The following TCF7L1 variants were observed in gnomAD, a reference collection of about 807,000 sequenced individuals.
The protein encoded by TCF7L1 is transcription factor 7-like 1.
A neutral mutation model predicts 63.7 loss-of-function variants in TCF7L1; 18 were observed. The observed-to-expected ratio is 0.28, with a 90% CI of 0.20 to 0.42. The LOEUF (loss-of-function observed/expected upper bound fraction) is 0.42, where lower values mean the gene tolerates loss of function less well. Ranked by LOEUF, TCF7L1 falls within the 10% of genes least tolerant of loss-of-function variation. The pLI, the probability that TCF7L1 is intolerant of heterozygous loss-of-function variation, is 1.00. For synonymous variants in TCF7L1, 355 were observed against 340.9 expected (o/e 1.04, Z -0.46); for missense variants, 654 against 779.3 (o/e 0.84, Z 1.91).
At chr2:85,238,793 ATTTAT>A (rs1290967038) in intron 3 of TCF7L1, among the ~76,000 whole-genome samples, 1 of 113,324 alleles carries the variant, frequency 8.8e-6, no homozygotes, top group Non-Finnish European at 1.7e-5. Context: ...TTATTTATTT[ATTTAT>A]TTATTTATTT....
chr2:85,269,201 A>G (rs1681086252), intron 3 of TCF7L1, among the ~76,000 whole-genome samples: 1 of 152,214 alleles, frequency 6.6e-6, no homozygotes, highest in African/African-American at 2.4e-5. Context: ...GATGGCCACA[A>G]ACATGCAGTC....
intron 4 of TCF7L1, among the ~76,000 whole-genome samples, chr2:85,294,026 ATTTTTTTTTTT>A (rs774050758): frequency 8.4e-5 from 5 of 59,486 alleles, no homozygotes; most frequent in Admixed American, 6.9e-4. Context: ...GAACACTGGG[ATTTTTTTTTTT>A]TTTTTTTTTT....
intron 3 of TCF7L1, among the ~76,000 whole-genome samples, chr2:85,174,861 C>T (rs1268866504): frequency 2.0e-5 from 3 of 152,250 alleles, no homozygotes; most frequent in African/African-American, 7.2e-5. Flanking sequence ...CTGCAGGTCC[C>T]TGCCCGACCC....
At chr2:85,201,701 C>T in intron 3 of TCF7L1, among the ~76,000 whole-genome samples, 1 of 152,132 alleles carries the variant, frequency 6.6e-6, no homozygotes, top group East Asian at 1.9e-4. Context: ...AATGGCTACA[C>T]CATTTTACAT....
chr2:85,133,679 C>T lies in TCF7L1; in HGVS notation c.-6C>T. On this transcript the variant is annotated 5_prime_UTR_variant, in exon 1 of 12. Transcript: ENST00000282111. The surrounding 1 kb of genome is among the most constrained non-coding windows in gnomAD (Gnocchi z 4.4). ...GAGAGCGGCGGCCCCGGCCCGCGGC[C>T]CCACCATGCCCCAGCTCGGCGGCGG... The T allele has an allele frequency of 1.0e-6, 1 of 965,540 alleles. No homozygotes were observed. Among genetic ancestry groups the T allele is most frequent in the Non-Finnish European group, 1.2e-6 (1 of 812,696 alleles). The allele number at this position is 965,540 out of a possible 1,614,324, so 59.8% of individuals were successfully genotyped here.
chr2:85,257,680 C>G (rs1680750871), intron 3 of TCF7L1, among the ~76,000 whole-genome samples: 1 of 151,320 alleles, frequency 6.6e-6, no homozygotes, highest in Non-Finnish European at 1.5e-5. Flanking sequence ...GACTGGCTTC[C>G]CCTTGCATCC....
At chr2:85,214,263 C>G (rs927359371) in intron 3 of TCF7L1, among the ~76,000 whole-genome samples, 2 of 152,126 alleles carry the variant, frequency 1.3e-5, no homozygotes, top group Non-Finnish European at 2.9e-5. Context: ...CTACCAGATT[C>G]GATTACCGGG....
At chr2:85,172,530 G>A (rs746711639) in intron 3 of TCF7L1, among the ~76,000 whole-genome samples, 30 of 152,290 alleles carry the variant, frequency 2.0e-4, no homozygotes, top group South Asian at 4.1e-4. Context: ...AGGTTCAAGC[G>A]ATTCTCCTGC....
chr2:85,304,441 C>G, intron 7 of TCF7L1, 103 bp downstream of exon 7: 1 of 1,183,306 alleles, frequency 8.5e-7, no homozygotes, highest in Non-Finnish European at 1.2e-6. Context: ...AGGCACAGGG[C>G]TCACCCTCCC....
Position 85,309,486 on chromosome 2 carries a change from G to A in TCF7L1, c.*24G>A, listed in dbSNP as rs1425713932. ...AAGCTCCCCCCGACCCCTGCAGGCTGTCACATGACTCATTGAGTAGTAATG... is the reference window on the plus strand; with the variant it reads ...AAGCTCCCCCCGACCCCTGCAGGCTATCACATGACTCATTGAGTAGTAATG... On this transcript the variant is annotated 3_prime_UTR_variant, in exon 12 of 12. Transcript: ENST00000282111. 1.3e-6 allele frequency: 2 copies of A among 1,515,032 alleles called. No individual in the cohort carries two copies. Among genetic ancestry groups the A allele is most frequent in the East Asian group, 4.5e-5 (2 of 43,986 alleles). 93.8% of individuals were successfully genotyped at this position (1,515,032 alleles called of 1,614,324 possible).
Position 85,306,956 on chromosome 2 carries a change from G to A in TCF7L1, c.1257+397G>A, listed in dbSNP as rs1260784340. On this transcript the variant is annotated intron_variant, in intron 10 of 11. Transcript: ENST00000282111. This position sits in a 1 kb window ranked among gnomAD's most constrained non-coding sequence, Gnocchi z 4.3. ...TGGGATTACAGGCGTGAGCCACCGC[G>A]CCCGGCCAGCGACTGCATTTATAGA... 1.3e-5 allele frequency among the ~76,000 whole-genome samples: 2 copies of A among 152,170 alleles called. No homozygotes were observed. The highest frequency in any genetic ancestry group is 6.5e-5 in the Admixed American group (1 of 15,274).
chr2:85,187,198 G>C (rs533942855), intron 3 of TCF7L1: 20 of 152,182 alleles, frequency 1.3e-4, no homozygotes, highest in Admixed American at 7.2e-4. Flanking sequence ...CCTCCTCTCA[G>C]CTGTCAGCTA....
chr2:85,245,888 G>C (rs1573008141), intron 3 of TCF7L1, among the ~76,000 whole-genome samples: 1 of 151,376 alleles, frequency 6.6e-6, no homozygotes, highest in East Asian at 1.9e-4. Context: ...CAGTTTGTCA[G>C]ATGGAAACAG....
intron 3 of TCF7L1, among the ~76,000 whole-genome samples, chr2:85,140,408 G>A (rs1178741663): frequency 2.6e-5 from 4 of 152,156 alleles, no homozygotes; most frequent in South Asian, 2.1e-4. Flanking sequence ...GACAGAAGTC[G>A]TTGGAGGAGG....
Position 85,306,627 on chromosome 2 carries a change from G to A in TCF7L1, c.1257+68G>A, listed in dbSNP as rs1682114220. The A allele has an allele frequency of 1.6e-6, 2 of 1,254,940 alleles. No homozygotes were observed. The highest frequency in any genetic ancestry group is 2.3e-6 in the Non-Finnish European group (2 of 881,082). 77.7% of individuals were successfully genotyped at this position (1,254,940 alleles called of 1,614,324 possible). Reference sequence around the variant, plus strand: ...CAGCCTCTGCAAGAGGAGGAAGGGTGAAGGAAAGCAACTGCATTTATTTTT... The same window carrying A: ...CAGCCTCTGCAAGAGGAGGAAGGGTAAAGGAAAGCAACTGCATTTATTTTT... On this transcript the variant is annotated intron_variant, in intron 10 of 11. Transcript: ENST00000282111. This position sits in a 1 kb window ranked among gnomAD's most constrained non-coding sequence, Gnocchi z 4.3.
At chr2:85,203,577 A>T (rs996444813) in intron 3 of TCF7L1, among the ~76,000 whole-genome samples, 6 of 150,570 alleles carry the variant, frequency 4.0e-5, no homozygotes, top group Non-Finnish European at 7.4e-5. Flanking sequence ...AAAAAATTTT[A>T]AATTAGCCAG....
chr2:85,288,037 C>A (rs1166363564), intron 4 of TCF7L1, among the ~76,000 whole-genome samples: 1 of 152,072 alleles, frequency 6.6e-6, no homozygotes, highest in Non-Finnish European at 1.5e-5. Flanking sequence ...CAAAATAAGT[C>A]CTCAATAACT....
chr2:85,262,374 A>C, intron 3 of TCF7L1: 1 of 445,426 alleles, frequency 2.2e-6, no homozygotes, highest in Non-Finnish European at 4.5e-6. Context: ...TCCAGAATCA[A>C]GACACCGTCT....
rs547767759 is a variant in TCF7L1, at chr2:85,248,958, A to G, written c.442-34537A>G. ...GACTCTGCAATCCTGTGGGTGCTCC[A>G]TAAATACTTGTTGACTGACTTGACT... On this transcript the variant is annotated intron_variant, in intron 3 of 11. Coordinates refer to ENST00000282111, the MANE Select transcript of TCF7L1 (RefSeq NM_031283.3). Among the ~76,000 whole-genome samples, 4 of 152,116 alleles carry G rather than the reference A, an allele frequency of 2.6e-5. No individual in the cohort carries two copies. The South Asian group carries it at 8.3e-4, about 32-fold the overall frequency.
Sources: allele counts gnomAD v4.1 joint callset (sites outside exome capture counted in the v4.1 genomes callset), GRCh38; gene constraint gnomAD v4.1.1; non-coding constraint Gnocchi (gnomAD v3.1); transcripts MANE v1.5; gene names NCBI Gene and HGNC (gene_info 2026-07-23, HGNC 2026-07-21).